MAP9: variants seen among roughly 807,000 people sequenced by gnomAD.
The protein encoded by MAP9 is microtubule-associated protein 9.
In MAP9, 80 loss-of-function variants were observed where a neutral mutation model predicts 75.2. The observed-to-expected ratio is 1.06, with a 90% confidence interval of 0.89 to 1.28. The LOEUF (loss-of-function observed/expected upper bound fraction) is 1.28, where lower values mean the gene tolerates loss of function less well. Among genes scored for constraint, MAP9 ranks in the 50% most tolerant of loss-of-function variants. MAP9 has a pLI of 0.00. For synonymous variants in MAP9, 235 were observed against 237.3 expected (o/e 0.99, Z 0.09); for missense variants, 753 against 719.9 (o/e 1.05, Z -0.53).
At chr4:155,372,181 T>C (rs1298499354) in intron 4 of MAP9, among the ~76,000 whole-genome samples, 2 of 152,168 alleles carry the variant, frequency 1.3e-5, no homozygotes, top group Non-Finnish European at 1.5e-5. Context: ...GTTAATGAGA[T>C]TGTGGGGTCA....
In MAP9 at chr4:155,345,730, A is replaced by G; in HGVS notation, c.*2053T>C. 1 of 152,136 alleles carries G rather than the reference A, an allele frequency of 6.6e-6. No individual in the cohort carries two copies. 9.4% of individuals were successfully genotyped at this position (152,136 alleles called of 1,614,324 possible). A position where few individuals can be genotyped will look rare whatever the true frequency, so the allele number is the denominator to read the frequency against. On this transcript the variant is annotated 3_prime_UTR_variant, in exon 14 of 14. Coordinates refer to ENST00000311277, the MANE Select transcript of MAP9 (RefSeq NM_001039580.2). ...ATAATGGTTAGCCACTAAATATGAT[A>G]ATGTAGAAGAAAATAATGGAAAGTA...
In MAP9 at chr4:155,368,657, A is replaced by G; in HGVS notation, c.637T>C (p.Ser213Pro). Residue 213 changes from serine (S) to proline (P), a missense_variant, in exon 5 of 14, where the codon TCC (serine) becomes CCC (proline). Ser to Pro is a moderately conservative substitution (Grantham distance 74). Coordinates refer to ENST00000311277, the MANE Select transcript of MAP9 (RefSeq NM_001039580.2). ...EELELHSAPS[S>P]LPTPNGIQLE... is the part of the protein sequence containing the mutation. ...TGTATGCCATTCGGCGTTGGAAGGG[A>G]AGAAGGTGCAGAATGTAACTCCAAT... 6.2e-7 allele frequency: 1 copy of G among 1,614,160 alleles called. No homozygotes were observed. Among genetic ancestry groups the G allele is most frequent in the South Asian group, 1.1e-5 (1 of 91,080 alleles).
intron 8 of MAP9, 195 bp downstream of exon 8, chr4:155,357,254 T>C: frequency 1.8e-6 from 1 of 548,274 alleles, no homozygotes; most frequent in Non-Finnish European, 3.3e-6. Context: ...GACTTACTTT[T>C]TATAAATTAC....
At chr4:155,367,909 C>A (rs2111264240) in intron 5 of MAP9, among the ~76,000 whole-genome samples, 1 of 152,368 alleles carries the variant, frequency 6.6e-6, no homozygotes, top group East Asian at 1.9e-4. Context: ...GTTCCCTAAT[C>A]TGCCCAAGCA....
intron 11 of MAP9, 47 bp downstream of exon 11, chr4:155,353,132 G>C (rs760930681): frequency 1.8e-5 from 28 of 1,535,586 alleles, no homozygotes; most frequent in Non-Finnish European, 2.3e-5. Flanking sequence ...CATTAATTTG[G>C]ATTTCAAATG....
chr4:155,357,265 T>C, intron 8 of MAP9, 184 bp downstream of exon 8: 1 of 567,806 alleles, frequency 1.8e-6, no homozygotes, highest in Non-Finnish European at 3.1e-6. Flanking sequence ...TATAAATTAC[T>C]TTATTTCAAA....
chr4:155,374,523 A>C (rs1732751400), intron 3 of MAP9, among the ~76,000 whole-genome samples: 1 of 152,184 alleles, frequency 6.6e-6, no homozygotes, highest in African/African-American at 2.4e-5. Context: ...AATCTGATTT[A>C]TAGCAAGCTT....
At chr4:155,356,218 G>C (rs1553966127) in intron 8 of MAP9, among the ~76,000 whole-genome samples, 1 of 152,006 alleles carries the variant, frequency 6.6e-6, no homozygotes, top group Non-Finnish European at 1.5e-5. Flanking sequence ...AGTGAGCAGA[G>C]ATCATGCCAC....
Position 155,373,437 on chromosome 4 carries a change from A to AG in MAP9, c.179dup (p.Asp61Ter). On this transcript the variant is annotated frameshift_variant, in exon 4 of 14. Transcript: ENST00000311277. LOFTEE classifies it high-confidence loss of function. The stretch of plus-strand genomic sequence containing the variant: ...CTGAATTTTCATCTGCTGAAGTGTC[A>AG]GAAAAATCACCTAAAGAAACTGAAA... 2 of 1,555,042 alleles carry AG rather than the reference A, an allele frequency of 1.3e-6. No individual in the cohort carries two copies. The highest frequency in any genetic ancestry group is 1.7e-6 in the Non-Finnish European group (2 of 1,152,912).
chr4:155,352,649 C>T lies in MAP9; in HGVS notation c.1768G>A (p.Ala590Thr). The T allele has an allele frequency of 6.5e-7, 1 of 1,539,272 alleles. No individual in the cohort carries two copies. The highest frequency in any genetic ancestry group is 8.9e-7 in the Non-Finnish European group (1 of 1,127,192). Residue 590 changes from alanine (A) to threonine (T), a missense_variant, in exon 13 of 14, where the codon GCT (alanine) becomes ACT (threonine). Transcript: ENST00000311277. Reference sequence around the variant, plus strand: ...TGTTTATCTTTATCTTTTTTCTCAGCTCTTTTCAGTTCTTCCTTTCTTTTC... The same window carrying T: ...TGTTTATCTTTATCTTTTTTCTCAGTTCTTTTCAGTTCTTCCTTTCTTTTC... Reference protein sequence around the residue: ...NEKRKEELKRAEKKDKDKQAI... With the variant: ...NEKRKEELKRTEKKDKDKQAI...
chr4:155,348,988 C>T (rs201661926), intron 13 of MAP9, among the ~76,000 whole-genome samples: 1 of 89,560 alleles, frequency 1.1e-5, no homozygotes, highest in East Asian at 5.5e-4. Context: ...TGGACAGAAA[C>T]AAAGAAAATA....
In MAP9 at chr4:155,374,853, A is replaced by G. The variant is rs985283807; in HGVS notation, c.160+84T>C. 5.4e-6 allele frequency: 4 copies of G among 736,058 alleles called. No homozygotes were observed. The East Asian group carries it at 1.1e-4, about 20-fold the overall frequency. 45.6% of individuals were successfully genotyped at this position (736,058 alleles called of 1,614,324 possible). ...TATTTTAACATACGTGATTGAGGGGATGGGTGGTTGGGGGGCTGGCTAAAT... is the reference window on the plus strand; with the variant it reads ...TATTTTAACATACGTGATTGAGGGGGTGGGTGGTTGGGGGGCTGGCTAAAT... On this transcript the variant is annotated intron_variant, in intron 3 of 13. Transcript: ENST00000311277.
At chr4:155,355,447 T>G (rs377427158) in intron 9 of MAP9, among the ~76,000 whole-genome samples, 18 of 152,166 alleles carry the variant, frequency 1.2e-4, no homozygotes, top group Non-Finnish European at 2.4e-4. Flanking sequence ...AAAACATATA[T>G]AGACTTTACA....
intron 4 of MAP9, among the ~76,000 whole-genome samples, chr4:155,370,377 A>C (rs1732539188): frequency 6.6e-6 from 1 of 152,236 alleles, no homozygotes; most frequent in South Asian, 2.1e-4. Flanking sequence ...AACTGCCTTT[A>C]AACAACATAA....
chr4:155,374,346 A>AAAACAAAAAC (rs112458522), intron 3 of MAP9, among the ~76,000 whole-genome samples: 65,770 of 151,596 alleles, frequency 0.43, 19,314 homozygotes, highest in African/African-American at 0.82. Context: ...CTCAAAAACA[A>AAAACAAAAAC]AAACAAACAA....
chr4:155,367,449 C>T (rs1732382277), intron 5 of MAP9: 1 of 152,208 alleles, frequency 6.6e-6, no homozygotes, highest in African/African-American at 2.4e-5. Context: ...CTGCAAACAC[C>T]TTGATCTTGG....
intron 4 of MAP9, 49 bp downstream of exon 4, chr4:155,373,087 T>C: frequency 7.5e-7 from 1 of 1,325,598 alleles, no homozygotes; most frequent in Non-Finnish European, 1.0e-6. Flanking sequence ...ACTGATTATC[T>C]TAAAATAAAC....
intron 7 of MAP9, among the ~76,000 whole-genome samples, chr4:155,358,407 T>C (rs189037516): frequency 6.6e-6 from 1 of 152,328 alleles, no homozygotes; most frequent in East Asian, 1.9e-4. Flanking sequence ...AAGGATGATA[T>C]ACCTGGAACA....
chr4:155,348,937 A>G (rs1731387790), intron 13 of MAP9, among the ~76,000 whole-genome samples: 1 of 152,194 alleles, frequency 6.6e-6, no homozygotes, highest in African/African-American at 2.4e-5. Flanking sequence ...TAAAATCCCA[A>G]CACACAGATA....
Sources: allele counts gnomAD v4.1 joint callset (sites outside exome capture counted in the v4.1 genomes callset), GRCh38; gene constraint gnomAD v4.1.1; transcripts MANE v1.5; gene names NCBI Gene and HGNC (gene_info 2026-07-23, HGNC 2026-07-21).